Variants in DLG3 observed in about 807,000 individuals in gnomAD.
DLG3 encodes the protein discs large MAGUK scaffold protein 3, also known as disks large homolog 3.
DLG3 carries 1 observed loss-of-function variant against 64.1 expected under a neutral mutation model. That is an observed-to-expected ratio of 0.02 (90% CI 0.01 to 0.07). The LOEUF (loss-of-function observed/expected upper bound fraction) is 0.07, where lower values mean the gene tolerates loss of function less well. Among genes scored for constraint, DLG3 ranks in the 10% least tolerant of loss-of-function variants. DLG3 has a pLI of 1.00. For missense variants in DLG3, 429 were observed against 669.5 expected (o/e 0.64, Z 3.96); for synonymous variants, 245 against 259.8 (o/e 0.94, Z 0.55).
At chrX:70,499,769 A>T in intron 15 of DLG3, 108 bp from the exon 16 acceptor site, 1 of 804,595 alleles carries the variant, frequency 1.2e-6, no homozygotes, top group Non-Finnish European at 1.8e-6. Flanking sequence ...GAAAAAAAAA[A>T]TGGAGTGGCC....
intron 10 of DLG3, among the ~76,000 whole-genome samples, chrX:70,490,918 G>C (rs1425429329): frequency 9.1e-6 from 1 of 109,876 alleles, no homozygotes; most frequent in African/African-American, 3.3e-5. Context: ...TTTTTTTTTG[G>C]CTTTTTTTTT....
intron 9 of DLG3, chrX:70,455,950 T>G (rs1434353922): frequency 4.5e-5 from 5 of 111,475 alleles, no homozygotes. Flanking sequence ...CCTACCTTTG[T>G]CCTTTCCGTT....
chrX:70,453,581 A>C, intron 7 of DLG3, 56 bp from the exon 8 acceptor site: 1 of 1,193,922 alleles, frequency 8.4e-7, no homozygotes, highest in Non-Finnish European at 1.1e-6. Flanking sequence ...GCTGGCCCTC[A>C]AAGGACAACA....
At chrX:70,482,171 G>A (rs1007294655) in intron 10 of DLG3, among the ~76,000 whole-genome samples, 1 of 112,336 alleles carries the variant, frequency 8.9e-6, no homozygotes, top group Non-Finnish European at 1.9e-5. Flanking sequence ...AAATGGAATG[G>A]ACTGCTTCCG....
chrX:70,495,507 G>T, intron 13 of DLG3, 54 bp downstream of exon 13: 1 of 1,127,518 alleles, frequency 8.9e-7, no homozygotes, highest in Admixed American at 2.2e-5. Flanking sequence ...TGGAGATAGT[G>T]GGGGTGGGGC....
chrX:70,448,475 G>A, intron 1 of DLG3: 1 of 682,965 alleles, frequency 1.5e-6, no homozygotes, highest in South Asian at 2.9e-5. Context: ...GAGAACTGTG[G>A]TTCAGAAGGG....
chrX:70,504,259 C>G lies in DLG3; in HGVS notation c.*1990C>G, dbSNP rs1412659983. ...AGTCTCAACCGTGCTCAGCCCTCCCCCTCCCAGGGAAGAGAAACAAAGATT... is the reference window on the plus strand; with the variant it reads ...AGTCTCAACCGTGCTCAGCCCTCCCGCTCCCAGGGAAGAGAAACAAAGATT... On this transcript the variant is annotated 3_prime_UTR_variant, in exon 19 of 19. Transcript: ENST00000374360. The G allele has an allele frequency of 1.8e-5, 2 of 111,979 alleles. No individual in the cohort carries two copies. The highest frequency in any genetic ancestry group is 3.8e-5 in the Non-Finnish European group (2 of 53,094). 9.2% of individuals were successfully genotyped at this position (111,979 alleles called of 1,213,427 possible).
At chrX:70,488,414 C>T (rs1263853888) in intron 10 of DLG3, among the ~76,000 whole-genome samples, 1 of 112,162 alleles carries the variant, frequency 8.9e-6, no homozygotes, top group African/African-American at 3.2e-5. Flanking sequence ...GTGTGCAGTT[C>T]TAGATGAGGC....
intron 13 of DLG3, among the ~76,000 whole-genome samples, chrX:70,497,750 G>T (rs2147885240): frequency 8.9e-6 from 1 of 112,203 alleles, no homozygotes; most frequent in African/African-American, 3.2e-5. Flanking sequence ...CAGGAGCTAT[G>T]GTGGCTAGAA....
Position 70,480,222 on chromosome X carries a change from A to T in DLG3, c.1520+958A>T, listed in dbSNP as rs2087128716. 2.7e-5 allele frequency among the ~76,000 whole-genome samples: 3 copies of T among 112,333 alleles called. No homozygotes were observed. In the South Asian group the frequency reaches 1.1e-3, roughly 41 times the overall value. On this transcript the variant is annotated intron_variant, in intron 10 of 18. Transcript: ENST00000374360. ...GCTGAACTTTTTCTAGTGGCCTCTG[A>T]TACCTGGCTGGGAAGTTGCACTTGC... is the stretch of plus-strand genomic sequence containing the variant.
In DLG3 at chrX:70,492,182, T is replaced by A; in HGVS notation, c.1596T>A (p.Ile532=). The change falls in exon 11 of 19, where the codon ATT becomes ATA. Residue 532 remains isoleucine (I), a synonymous_variant. Coordinates refer to ENST00000374360, the MANE Select transcript of DLG3 (RefSeq NM_021120.4). ...GGCTCAGCTTCTCTTATGGTGACAT[T>A]CTGCATGTCATTAATGCCTCTGATG... ...SQGLSFSYGD[I]LHVINASDDE... The A allele has an allele frequency of 1.7e-6, 2 of 1,210,078 alleles. No individual in the cohort carries two copies. The highest frequency in any genetic ancestry group is 1.7e-5 in the African/African-American group (1 of 57,757).
chrX:70,498,001 G>C (rs1191082321), intron 13 of DLG3, among the ~76,000 whole-genome samples: 3 of 111,573 alleles, frequency 2.7e-5, no homozygotes. Flanking sequence ...AGGGCACTGG[G>C]GACCTTAGCA....
chrX:70,459,557 A>G (rs1005060088), intron 9 of DLG3, among the ~76,000 whole-genome samples: 1 of 112,509 alleles, frequency 8.9e-6, no homozygotes, highest in Non-Finnish European at 1.9e-5. Context: ...AAGGTAAGGA[A>G]GAAAGAAAAT....
intron 9 of DLG3, among the ~76,000 whole-genome samples, chrX:70,462,882 G>A (rs1055060102): frequency 4.5e-5 from 5 of 111,320 alleles, no homozygotes; most frequent in South Asian, 3.8e-4. Flanking sequence ...AAAAGATTAC[G>A]TTTTCTTTTC....
chrX:70,482,662 GTTTTTTTT>G (rs774419870), intron 10 of DLG3, among the ~76,000 whole-genome samples: 29 of 66,079 alleles, frequency 4.4e-4, no homozygotes, highest in Admixed American at 1.0e-3. Flanking sequence ...CATGTGTGGT[GTTTTTTTT>G]TTTTTTTTTT....
chrX:70,450,478 G>C (rs1295587623), intron 5 of DLG3, 161 bp from the exon 6 acceptor site: 7 of 908,010 alleles, frequency 7.7e-6, no homozygotes, highest in South Asian at 6.9e-5. Flanking sequence ...TCTGTGGCCA[G>C]GGTCTTGCCC....
chrX:70,446,550 G>A (rs1466998237), intron 1 of DLG3, among the ~76,000 whole-genome samples: 1 of 112,817 alleles, frequency 8.9e-6, no homozygotes, highest in African/African-American at 3.2e-5. Flanking sequence ...AGTGGGGCAT[G>A]TCCCCCTTGG....
chrX:70,451,846 C>A, intron 6 of DLG3, 21 bp from the exon 7 acceptor site: 1 of 1,210,573 alleles, frequency 8.3e-7, no homozygotes, highest in East Asian at 3.0e-5. Context: ...CTGAACTTTT[C>A]TCTCCCTTTC....
chrX:70,497,269 C>T, intron 13 of DLG3: 2 of 1,138,968 alleles, frequency 1.8e-6, no homozygotes, highest in East Asian at 3.0e-5. Context: ...ACTGTGTATC[C>T]CAGCCATCCT....
Sources: gnomAD v4.1 joint callset for allele counts (sites outside exome capture counted in the v4.1 genomes callset) on GRCh38, gnomAD v4.1.1 for gene constraint, MANE v1.5 for transcripts, NCBI Gene and HGNC (gene_info 2026-07-23, HGNC 2026-07-21) for gene names.